LRRC31: variants seen among roughly 807,000 people sequenced by gnomAD.
LRRC31 encodes the protein leucine-rich repeat-containing protein 31.
Under a neutral mutation model 46.7 loss-of-function variants are expected in LRRC31, and 35 were observed. The observed-to-expected ratio is 0.75, with a 90% CI of 0.57 to 0.99. LRRC31 has a LOEUF of 0.99. Among genes scored for constraint, LRRC31 ranks in the 50% least tolerant of loss-of-function variants. LRRC31 has a pLI of 0.00. For synonymous variants in LRRC31, 236 were observed against 235.1 expected (o/e 1.00, Z -0.03); for missense variants, 613 against 626.1 (o/e 0.98, Z 0.22).
At chr3:169,859,489 A>G (rs981627094) in intron 3 of LRRC31, among the ~76,000 whole-genome samples, 1 of 152,230 alleles carries the variant, frequency 6.6e-6, no homozygotes, top group African/African-American at 2.4e-5. Flanking sequence ...AAATCTTTAA[A>G]TAGCTGTAAA....
At chr3:169,848,698 C>T (rs778522388) in intron 7 of LRRC31, among the ~76,000 whole-genome samples, 4 of 152,180 alleles carry the variant, frequency 2.6e-5, no homozygotes, top group Admixed American at 1.3e-4. Flanking sequence ...ACTCAGGATC[C>T]GCCAGCCTTG....
At chr3:169,841,106 T>C (rs1780434957) in intron 8 of LRRC31, among the ~76,000 whole-genome samples, 4 of 152,180 alleles carry the variant, frequency 2.6e-5, no homozygotes, top group Admixed American at 2.6e-4. Flanking sequence ...TTTCACAGCC[T>C]CTCTACTCAT....
chr3:169,841,107 C>T (rs1222734733), intron 8 of LRRC31, among the ~76,000 whole-genome samples: 2 of 152,230 alleles, frequency 1.3e-5, no homozygotes, highest in Non-Finnish European at 2.9e-5. Context: ...TTCACAGCCT[C>T]TCTACTCATG....
chr3:169,868,693 A>T (rs768864788), intron 1 of LRRC31, among the ~76,000 whole-genome samples: 9 of 152,152 alleles, frequency 5.9e-5, no homozygotes, highest in Non-Finnish European at 1.3e-4. Context: ...TTTTCCCTAC[A>T]TTTTTCTGTA....
chr3:169,867,522 G>T (rs1259026458), intron 1 of LRRC31, among the ~76,000 whole-genome samples: 2 of 152,024 alleles, frequency 1.3e-5, no homozygotes, highest in African/African-American at 2.4e-5. Context: ...CTCCCAAAGT[G>T]TTGGGATTAC....
Position 169,840,776 on chromosome 3 carries a change from C to T in LRRC31, c.1328-463G>A, listed in dbSNP as rs544187955. Among the ~76,000 whole-genome samples, 105 of 152,310 alleles carry T rather than the reference C, an allele frequency of 6.9e-4. 3 individuals are homozygous for T. The South Asian group carries it at 0.02, about 29-fold the overall frequency. The stretch of plus-strand genomic sequence containing the variant: ...GAACATACCTGGATAATTTCCAATT[C>T]ACCTTAGAGACCCCAATACATGTGA... On this transcript the variant is annotated intron_variant, in intron 8 of 8. Transcript: ENST00000316428.
chr3:169,846,586 T>G (rs1366425791), intron 8 of LRRC31, among the ~76,000 whole-genome samples: 2 of 152,170 alleles, frequency 1.3e-5, no homozygotes, highest in East Asian at 3.9e-4. Context: ...AGGCGGAGGT[T>G]GCAGTGAGCC....
At chr3:169,857,316 G>C (rs1553924903) in intron 3 of LRRC31, among the ~76,000 whole-genome samples, 1 of 54,352 alleles carries the variant, frequency 1.8e-5, no homozygotes, top group Admixed American at 2.5e-4. Context: ...AATATCACAT[G>C]CCTATATATA....
At chr3:169,858,161 A>C (rs568687413) in intron 3 of LRRC31, among the ~76,000 whole-genome samples, 1 of 152,316 alleles carries the variant, frequency 6.6e-6, no homozygotes, top group East Asian at 1.9e-4. Context: ...GGTTGAGTGA[A>C]GAAGATAGAG....
chr3:169,843,303 A>C (rs1342020649), intron 8 of LRRC31, among the ~76,000 whole-genome samples: 1 of 152,236 alleles, frequency 6.6e-6, no homozygotes, highest in Non-Finnish European at 1.5e-5. Flanking sequence ...AGCTAGCAAG[A>C]AAACGGGACC....
rs907765371 is a variant in LRRC31, at chr3:169,864,074, T to C, written c.176-2261A>G. On this transcript the variant is annotated intron_variant, in intron 1 of 8. Coordinates refer to ENST00000316428, the MANE Select transcript of LRRC31 (RefSeq NM_024727.4). ...ATTTCTCTGCATTGCATCTTATTGC[T>C]GTCTCTCTTTTGTTTTTAAGCTTTT... Among the ~76,000 whole-genome samples, 4 of 152,144 alleles carry C rather than the reference T, an allele frequency of 2.6e-5. No individual in the cohort carries two copies. The East Asian group carries it at 7.7e-4, about 29-fold the overall frequency.
At chr3:169,854,263 T>A (rs1780875421) in intron 6 of LRRC31, among the ~76,000 whole-genome samples, 1 of 152,226 alleles carries the variant, frequency 6.6e-6, no homozygotes, top group Non-Finnish European at 1.5e-5. Context: ...AAACCCTTAA[T>A]CTCAAGGCTA....
In LRRC31 at chr3:169,867,446, A is replaced by T. The variant is rs145188753; in HGVS notation, c.175+2187T>A. On this transcript the variant is annotated intron_variant, in intron 1 of 8. Coordinates refer to ENST00000316428, the MANE Select transcript of LRRC31 (RefSeq NM_024727.4). Reference sequence around the variant, plus strand: ...CTACTTTTTTATATTTTTAATAGAGACTGGGTTTTACCGTATTAGCCAGGA... The same window carrying T: ...CTACTTTTTTATATTTTTAATAGAGTCTGGGTTTTACCGTATTAGCCAGGA... Among the ~76,000 whole-genome samples the T allele has an allele frequency of 2.4e-4, 37 of 151,538 alleles. No homozygotes were observed. In the East Asian group the frequency reaches 6.0e-3, roughly 25 times the overall value.
chr3:169,868,916 G>C (rs1781409384), intron 1 of LRRC31, among the ~76,000 whole-genome samples: 1 of 151,970 alleles, frequency 6.6e-6, no homozygotes, highest in Non-Finnish European at 1.5e-5. Flanking sequence ...GTTGTTGGTG[G>C]GGGAGGTGTG....
intron 1 of LRRC31, among the ~76,000 whole-genome samples, chr3:169,867,509 G>A (rs201536903): frequency 2.5e-4 from 38 of 151,796 alleles, no homozygotes; most frequent in East Asian, 7.7e-4. Context: ...TGCCTGCCTC[G>A]GCCTCCCAAA....
chr3:169,854,235 G>A (rs1433734706), intron 6 of LRRC31, among the ~76,000 whole-genome samples: 2 of 152,230 alleles, frequency 1.3e-5, no homozygotes, highest in African/African-American at 4.8e-5. Context: ...AAGGCTTATT[G>A]TGGCCACAGG....
chr3:169,850,003 T>C (rs1251193758), intron 7 of LRRC31, among the ~76,000 whole-genome samples: 1 of 152,128 alleles, frequency 6.6e-6, no homozygotes, highest in Non-Finnish European at 1.5e-5. Context: ...ATACACGTGA[T>C]TGGAGTTGCT....
chr3:169,860,673 A>G lies in LRRC31; in HGVS notation c.375T>C (p.Gly125=). 1 of 1,614,122 alleles carries G rather than the reference A, an allele frequency of 6.2e-7. No homozygotes were observed. The change falls in exon 3 of 9, where the codon GGT becomes GGC. Residue 125 remains glycine, a synonymous_variant. Coordinates refer to ENST00000316428, the MANE Select transcript of LRRC31 (RefSeq NM_024727.4). ...DLEELDISWN[G]FVGGTLLSIT... ...TGGAAAGGAGGGTTCCACCTACAAA[A>G]CCATTCCAGGAGATATCCAGTTCTT... is the stretch of plus-strand genomic sequence containing the variant.
chr3:169,850,531 G>A (rs997873989), intron 7 of LRRC31, among the ~76,000 whole-genome samples: 5 of 152,232 alleles, frequency 3.3e-5, no homozygotes, highest in African/African-American at 1.2e-4. Context: ...CAGTTATTCT[G>A]TGGGGAAGAG....
Sources: allele counts gnomAD v4.1 joint callset (sites outside exome capture counted in the v4.1 genomes callset), GRCh38; gene constraint gnomAD v4.1.1; transcripts MANE v1.5; gene names NCBI Gene and HGNC (gene_info 2026-07-23, HGNC 2026-07-21).